Variants in ATRNL1 observed in about 807,000 individuals in gnomAD.
The protein encoded by ATRNL1 is attractin-like protein 1.
In ATRNL1, 95 loss-of-function variants were observed where a neutral mutation model predicts 182.7. The observed-to-expected ratio is 0.52, with a 90% CI of 0.44 to 0.62. The LOEUF is 0.62. Ranked by LOEUF, ATRNL1 falls within the 20% of genes least tolerant of loss-of-function variation. The pLI, the probability that ATRNL1 is intolerant of heterozygous loss-of-function variation, is 0.00. For synonymous variants in ATRNL1, 576 were observed against 568.3 expected (o/e 1.01, Z -0.19); for missense variants, 1,471 against 1,679.5 (o/e 0.88, Z 2.17).
chr10:115,501,853 A>T (rs1403680570), intron 24 of ATRNL1, among the ~76,000 whole-genome samples: 1 of 152,170 alleles, frequency 6.6e-6, no homozygotes, highest in African/African-American at 2.4e-5. Flanking sequence ...TTATGAACAT[A>T]TCAGCTCTCC....
chr10:115,257,461 T>C (rs1410618065), intron 10 of ATRNL1, among the ~76,000 whole-genome samples: 2 of 152,236 alleles, frequency 1.3e-5, no homozygotes, highest in East Asian at 3.8e-4. Context: ...CCCTACTTTT[T>C]TTTGCTTTCC....
chr10:115,239,326 G>A (rs1480888063), intron 9 of ATRNL1, among the ~76,000 whole-genome samples: 2 of 151,952 alleles, frequency 1.3e-5, no homozygotes, highest in African/African-American at 4.8e-5. Context: ...TCTGCCTCCC[G>A]GGTTCAAGCG....
chr10:115,870,632 C>G (rs1428875231), intron 28 of ATRNL1, among the ~76,000 whole-genome samples: 8 of 152,192 alleles, frequency 5.3e-5, no homozygotes, highest in African/African-American at 1.9e-4. Flanking sequence ...TGTGACCTAA[C>G]CAATCCATCT....
At chr10:115,120,381 A>G in intron 2 of ATRNL1, 113 bp downstream of exon 2, 1 of 522,476 alleles carries the variant, frequency 1.9e-6, no homozygotes, top group Non-Finnish European at 3.3e-6. Context: ...TTTGTTTATT[A>G]TTAGATAATA....
At chr10:115,937,393 G>C (rs149346659) in intron 28 of ATRNL1, among the ~76,000 whole-genome samples, 1 of 152,326 alleles carries the variant, frequency 6.6e-6, no homozygotes, top group Non-Finnish European at 1.5e-5. Flanking sequence ...AGTATGACTA[G>C]TGCATTTGTC....
intron 28 of ATRNL1, among the ~76,000 whole-genome samples, chr10:115,883,718 G>A (rs1477911484): frequency 5.3e-5 from 8 of 152,220 alleles, no homozygotes; most frequent in African/African-American, 1.9e-4. Context: ...TTATATTTCA[G>A]GAGGAGAGAG....
At chr10:115,336,748 T>G (rs1183304309) in intron 19 of ATRNL1, among the ~76,000 whole-genome samples, 3 of 152,230 alleles carry the variant, frequency 2.0e-5, no homozygotes, top group Non-Finnish European at 4.4e-5. Flanking sequence ...ATATAATGCT[T>G]CTAACCATAA....
chr10:115,240,527 T>C (rs1850373989), intron 9 of ATRNL1, among the ~76,000 whole-genome samples: 1 of 152,138 alleles, frequency 6.6e-6, no homozygotes, highest in Non-Finnish European at 1.5e-5. Flanking sequence ...GTGCTGGAGT[T>C]ACAGGCGTGA....
At chr10:115,686,486 C>T (rs1445656608) in intron 26 of ATRNL1, among the ~76,000 whole-genome samples, 1 of 151,966 alleles carries the variant, frequency 6.6e-6, no homozygotes, top group African/African-American at 2.4e-5. Flanking sequence ...CATTAATCTG[C>T]ATTTTTAGAA....
At chr10:115,361,693 C>A (rs1856756328) in intron 19 of ATRNL1, among the ~76,000 whole-genome samples, 1 of 151,912 alleles carries the variant, frequency 6.6e-6, no homozygotes, top group Non-Finnish European at 1.5e-5. Context: ...AGTTTAGTGA[C>A]CCTTAGAATA....
chr10:115,609,880 G>A (rs1857066447), intron 26 of ATRNL1, among the ~76,000 whole-genome samples: 2 of 152,078 alleles, frequency 1.3e-5, no homozygotes, highest in Admixed American at 1.3e-4. Context: ...TACGGTATCC[G>A]TGGCCCACTC....
chr10:115,606,840 C>T (rs182506433), intron 26 of ATRNL1, among the ~76,000 whole-genome samples: 453 of 152,046 alleles, frequency 3.0e-3, no homozygotes, highest in Non-Finnish European at 4.8e-3. Context: ...ATTTTCTAGC[C>T]ATGCCTGTTC....
Position 115,858,258 on chromosome 10 carries a change from A to G in ATRNL1, c.4018+10267A>G, listed in dbSNP as rs577861400. ...CATGCACGCATATGTTCATTGCAGC[A>G]CTGTTCACAATAGCAAAGACAAAGA... On this transcript the variant is annotated intron_variant, in intron 28 of 28. Coordinates refer to ENST00000355044, the MANE Select transcript of ATRNL1 (RefSeq NM_207303.4). Among the ~76,000 whole-genome samples the G allele has an allele frequency of 1.2e-4, 18 of 152,322 alleles. No homozygotes were observed. The East Asian group carries it at 2.7e-3, about 23-fold the overall frequency.
intron 4 of ATRNL1, among the ~76,000 whole-genome samples, 171 bp from the exon 5 acceptor site, chr10:115,129,156 T>A (rs782465163): frequency 2.6e-5 from 4 of 152,140 alleles, no homozygotes; most frequent in Non-Finnish European, 5.9e-5. Flanking sequence ...ATACTAACAA[T>A]TTCATAAGAG....
chr10:115,764,239 G>A (rs1196045979), intron 27 of ATRNL1, among the ~76,000 whole-genome samples: 4 of 152,092 alleles, frequency 2.6e-5, no homozygotes, highest in African/African-American at 9.7e-5. Context: ...TGCATGCACA[G>A]CCTTCATCAT....
chr10:115,540,176 T>G (rs1852272202), intron 25 of ATRNL1, among the ~76,000 whole-genome samples: 1 of 152,062 alleles, frequency 6.6e-6, no homozygotes, highest in South Asian at 2.1e-4. Context: ...TATAAACTTC[T>G]GGGATCTCTC....
chr10:115,723,212 A>G (rs1282072020), intron 26 of ATRNL1, among the ~76,000 whole-genome samples: 1 of 152,208 alleles, frequency 6.6e-6, no homozygotes, highest in East Asian at 1.9e-4. Context: ...GGTGAGGTAG[A>G]AGGACATTTG....
At chr10:115,172,005 T>C (rs775959361) in intron 8 of ATRNL1, among the ~76,000 whole-genome samples, 15 of 152,100 alleles carry the variant, frequency 9.9e-5, no homozygotes, top group Non-Finnish European at 2.1e-4. Flanking sequence ...TGAACTCAAA[T>C]TCTTGGCTCT....
intron 25 of ATRNL1, among the ~76,000 whole-genome samples, chr10:115,529,491 T>A (rs374953575): frequency 9.7e-6 from 1 of 103,560 alleles, no homozygotes; most frequent in African/African-American, 2.7e-5. Flanking sequence ...CTGATTTTTA[T>A]TAATTGAATG....
Sources: allele counts gnomAD v4.1 joint callset (sites outside exome capture counted in the v4.1 genomes callset), GRCh38; gene constraint gnomAD v4.1.1; transcripts MANE v1.5; gene names NCBI Gene and HGNC (gene_info 2026-07-23, HGNC 2026-07-21).